The following NUP210 variants were observed in gnomAD, a reference collection of about 807,000 sequenced individuals.
NUP210 encodes nucleoporin 210.
A neutral mutation model predicts 196.0 loss-of-function variants in NUP210; 151 were observed. That is an observed-to-expected ratio of 0.77 (90% CI 0.67 to 0.88). The LOEUF (loss-of-function observed/expected upper bound fraction) is 0.88, where lower values mean the gene tolerates loss of function less well. NUP210 is among the 40% of genes least tolerant of loss of function. The pLI is 0.00. For synonymous variants in NUP210, 1,070 were observed against 1,052.7 expected, an observed-to-expected ratio of 1.02 and a Z score of -0.32; for missense variants, 2,314 against 2,493.7, an observed-to-expected ratio of 0.93 and a Z score of 1.53.
intron 3 of NUP210, among the ~76,000 whole-genome samples, chr3:13,396,179 T>C (rs954175281): frequency 6.6e-6 from 1 of 152,160 alleles, no homozygotes; most frequent in African/African-American, 2.4e-5. Flanking sequence ...ACTACTAACA[T>C]CTAGTACGTA....
chr3:13,341,618 T>G, intron 23 of NUP210, 130 bp downstream of exon 23: 54 of 1,081,938 alleles, frequency 5.0e-5, no homozygotes, highest in Non-Finnish European at 6.7e-5. Context: ...TGCCTTTTGA[T>G]GAGAGGACAT....
chr3:13,383,301 A>AGT (rs1482259441), intron 6 of NUP210, among the ~76,000 whole-genome samples: 2 of 152,064 alleles, frequency 1.3e-5, no homozygotes, highest in Non-Finnish European at 2.9e-5. Context: ...ATCGCACAGG[A>AGT]GTGTGTATTT....
rs370872729 is a variant in NUP210, at chr3:13,339,935, G to A, written c.3390C>T (p.Gly1130=). 2.5e-5 allele frequency: 40 copies of A among 1,614,042 alleles called. No homozygotes were observed. The African/African-American group carries it at 5.2e-4, about 21-fold the overall frequency. The change falls in exon 25 of 40, where the codon GGC becomes GGT. Residue 1130 remains glycine (G), a synonymous_variant. Coordinates refer to ENST00000254508, the MANE Select transcript of NUP210 (RefSeq NM_024923.4). ...ALVSAAGLVQ[G]LAIGNGTVSG... is the part of the protein sequence containing the mutation. ...ACACAGTGCCGTTCCCGATGGCGAG[G>A]CCCTGTACCAGCCCAGCAGCGCTCA... is the stretch of plus-strand genomic sequence containing the variant.
chr3:13,367,141 A>G (rs1698566100), intron 13 of NUP210, among the ~76,000 whole-genome samples: 1 of 148,496 alleles, frequency 6.7e-6, no homozygotes, highest in South Asian at 2.1e-4. Flanking sequence ...GAAAAATAAA[A>G]ATGTTTAATT....
intron 31 of NUP210, 21 bp from the exon 32 acceptor site, chr3:13,327,458 AG>A: frequency 6.4e-7 from 1 of 1,558,854 alleles, no homozygotes; most frequent in Non-Finnish European, 8.8e-7. Context: ...GAGAGAAAGG[AG>A]GGCTCTCAGT....
At chr3:13,326,555 G>A (rs375532046) in intron 32 of NUP210, among the ~76,000 whole-genome samples, 1 of 152,030 alleles carries the variant, frequency 6.6e-6, no homozygotes, top group Non-Finnish European at 1.5e-5. Flanking sequence ...AAAAGGTGGA[G>A]ACAATTTGAA....
At chr3:13,374,579 C>T (rs1698838936) in intron 11 of NUP210, among the ~76,000 whole-genome samples, 1 of 152,182 alleles carries the variant, frequency 6.6e-6, no homozygotes. Context: ...TGCACACAAA[C>T]ACACACGCCC....
intron 26 of NUP210, among the ~76,000 whole-genome samples, chr3:13,337,354 G>A (rs1039102607): frequency 1.3e-5 from 2 of 152,326 alleles, no homozygotes; most frequent in South Asian, 2.1e-4. Context: ...GGGCACAGGC[G>A]GAGGCAAGAC....
rs1352460674 is a variant in NUP210, at chr3:13,336,871, G to T, written c.3600C>A (p.Ser1200=). ...TGITNHQNPF[S]FGNAVPGLTF... is the part of the protein sequence containing the mutation. ...TCAGGCCTGGCACGGCATTGCCAAA[G>T]GAGAAAGGGTTCTGGTGGTTGGTGA... The change falls in exon 27 of 40, where the codon TCC becomes TCA. Residue 1200 remains serine (S), a synonymous_variant. Transcript: ENST00000254508. 16 of 1,613,796 alleles carry T rather than the reference G, an allele frequency of 9.9e-6. No individual in the cohort carries two copies. The highest frequency in any genetic ancestry group is 1.2e-5 in the Non-Finnish European group (14 of 1,179,908).
chr3:13,319,735 T>C (rs757056700), intron 37 of NUP210, 28 bp downstream of exon 37: 35 of 1,599,538 alleles, frequency 2.2e-5, no homozygotes, highest in Non-Finnish European at 2.8e-5. Flanking sequence ...TCCTGGTCTG[T>C]CCCAGATGAT....
intron 33 of NUP210, among the ~76,000 whole-genome samples, chr3:13,325,080 T>A: frequency 6.6e-6 from 1 of 152,174 alleles, no homozygotes; most frequent in East Asian, 1.9e-4. Context: ...CTGGTGCATT[T>A]TCTGATCTGA....
chr3:13,348,838 A>C lies in NUP210; in HGVS notation c.2835+3041T>G, dbSNP rs1374960902. ...CTCTTTGCAAGACAGCTGGAGACCA[A>C]CATCAAACGCTGAAGGAAGGTTTTC... On this transcript the variant is annotated intron_variant, in intron 20 of 39. Transcript: ENST00000254508. The surrounding 1 kb of genome is among the most constrained non-coding windows in gnomAD (Gnocchi z 4.0). 1 of 985,330 alleles carries C rather than the reference A, an allele frequency of 1.0e-6. No homozygotes were observed. The highest frequency in any genetic ancestry group is 1.7e-5 in the African/African-American group (1 of 57,236). The allele number at this position is 985,330 out of a possible 1,614,324, so 61.0% of individuals were successfully genotyped here. A position where few individuals can be genotyped will look rare whatever the true frequency, so the allele number is the denominator to read the frequency against.
Position 13,379,837 on chromosome 3 carries a change from T to A in NUP210, c.818-116A>T. ...CTCTGCACTCTGCTCTCAGTACAGCTGACGCATTTTCTTAATTGTTTTCAG... is the reference window on the plus strand; with the variant it reads ...CTCTGCACTCTGCTCTCAGTACAGCAGACGCATTTTCTTAATTGTTTTCAG... On this transcript the variant is annotated intron_variant, in intron 6 of 39. Coordinates refer to ENST00000254508, the MANE Select transcript of NUP210 (RefSeq NM_024923.4). This position sits in a 1 kb window ranked among gnomAD's most constrained non-coding sequence, Gnocchi z 4.2. The A allele has an allele frequency of 1.3e-6, 1 of 791,660 alleles. No individual in the cohort carries two copies. The highest frequency in any genetic ancestry group is 1.9e-6 in the Non-Finnish European group (1 of 525,962). 49.0% of individuals were successfully genotyped at this position (791,660 alleles called of 1,614,324 possible). A position where few individuals can be genotyped will look rare whatever the true frequency, so the allele number is the denominator to read the frequency against.
chr3:13,412,821 A>C (rs1559351989), intron 1 of NUP210, among the ~76,000 whole-genome samples: 1 of 146,804 alleles, frequency 6.8e-6, no homozygotes, highest in African/African-American at 2.5e-5. Flanking sequence ...AATACAAAAA[A>C]TTAGCTGGGC....
intron 18 of NUP210, 83 bp downstream of exon 18, chr3:13,353,471 G>T: frequency 8.6e-7 from 1 of 1,161,066 alleles, no homozygotes; most frequent in Non-Finnish European, 1.3e-6. Flanking sequence ...TCAGGACACT[G>T]TGATACCCGG....
In NUP210 at chr3:13,319,962, C is replaced by T. The variant is rs375370425; in HGVS notation, c.5184G>A (p.Pro1728=). 3.3e-5 allele frequency: 54 copies of T among 1,613,708 alleles called. No individual in the cohort carries two copies. In the East Asian group the frequency reaches 5.1e-4, roughly 15 times the overall value. ...LENLEVKSGS[P]AVLAFAKEKS... is the part of the protein sequence containing the mutation. ...TCTCCTTTGCGAATGCCAGCACGGC[C>T]GGGGACCCGGATTTCACCTGGAAGA... The change falls in exon 37 of 40, where the codon CCG becomes CCA. Residue 1728 remains proline (P), a synonymous_variant. Transcript: ENST00000254508.
At chr3:13,369,957 T>A (rs1345934345) in intron 13 of NUP210, among the ~76,000 whole-genome samples, 1 of 152,206 alleles carries the variant, frequency 6.6e-6, no homozygotes, top group African/African-American at 2.4e-5. Context: ...AGAGCCATGA[T>A]CAGAGTCTGG....
Position 13,340,082 on chromosome 3 carries a change from G to A in NUP210, c.3292-49C>T. Reference sequence around the variant, plus strand: ...GTGTCAGTGCCCGTCATGCCAGGCAGCCCGCACCTCCCACTCAGAGAGCCA... The same window carrying A: ...GTGTCAGTGCCCGTCATGCCAGGCAACCCGCACCTCCCACTCAGAGAGCCA... On this transcript the variant is annotated intron_variant, in intron 24 of 39. Transcript: ENST00000254508. The surrounding 1 kb of genome is among the most constrained non-coding windows in gnomAD (Gnocchi z 4.0). The A allele has an allele frequency of 1.2e-6, 2 of 1,604,402 alleles. No individual in the cohort carries two copies. The highest frequency in any genetic ancestry group is 1.7e-5 in the Admixed American group (1 of 59,748).
At chr3:13,418,751 GCA>G (rs893315607) in intron 1 of NUP210, among the ~76,000 whole-genome samples, 1 of 151,792 alleles carries the variant, frequency 6.6e-6, no homozygotes, top group Non-Finnish European at 1.5e-5. Context: ...TCGCGCCATT[GCA>G]CTCCAGCCTG....
Sources: gnomAD v4.1 joint callset for allele counts (sites outside exome capture counted in the v4.1 genomes callset) on GRCh38, gnomAD v4.1.1 for gene constraint, Gnocchi (gnomAD v3.1) non-coding constraint, MANE v1.5 for transcripts, NCBI Gene and HGNC (gene_info 2026-07-23, HGNC 2026-07-21) for gene names.